The following HCK variants were observed in gnomAD, a reference collection of about 807,000 sequenced individuals.
The protein encoded by HCK is HCK proto-oncogene, Src family tyrosine kinase, also known as tyrosine-protein kinase HCK.
Under a neutral mutation model 70.4 loss-of-function variants are expected in HCK, and 40 were observed. That is an observed-to-expected ratio of 0.57 (90% CI 0.44 to 0.74). The LOEUF is 0.74. Among genes scored for constraint, HCK ranks in the 30% least tolerant of loss-of-function variants. HCK has a pLI of 0.00. For missense variants in HCK, 568 were observed against 697.2 expected, an observed-to-expected ratio of 0.81 and a Z score of 2.09; for synonymous variants, 245 against 263.2, an observed-to-expected ratio of 0.93 and a Z score of 0.67.
chr20:32,097,483 G>T (rs536410611), intron 11 of HCK, among the ~76,000 whole-genome samples: 18 of 152,234 alleles, frequency 1.2e-4, no homozygotes, highest in African/African-American at 4.3e-4. Flanking sequence ...GGAGACTGAG[G>T]CAGGAGAATG....
rs1307125284 is a variant in HCK at position 32,060,465 on chromosome 20, C to T, written c.62+7979C>T. 2.6e-5 allele frequency among the ~76,000 whole-genome samples: 4 copies of T among 152,068 alleles called. No individual in the cohort carries two copies. The South Asian group carries it at 8.3e-4, about 31-fold the overall frequency. ...CAAACTCCTGACATCAGGTGATCCG[C>T]CTGCTGACCTCAGGTGATCCGCCTG... On this transcript the variant is annotated intron_variant, in intron 1 of 12. Coordinates refer to ENST00000375852, the MANE Select transcript of HCK (RefSeq NM_002110.5).
In HCK at chr20:32,075,702, CCATT is replaced by C. The variant is rs554542410; in HGVS notation, c.428+985_428+988del. Among the ~76,000 whole-genome samples the C allele has an allele frequency of 1.6e-4, 22 of 139,806 alleles. No individual in the cohort carries two copies. The East Asian group carries it at 3.2e-3, about 21-fold the overall frequency. The allele number at this position is 139,806 out of a possible 152,430, so 91.7% of individuals were successfully genotyped here. ...TTCAGTCATCCATCCATCCATCCATCCATTCATCCATCCATCCATCCATCCATCC... is the reference window on the plus strand; with the variant it reads ...TTCAGTCATCCATCCATCCATCCATCCATCCATCCATCCATCCATCCATCC... On this transcript the variant is annotated intron_variant, in intron 5 of 12. Coordinates refer to ENST00000375852, the MANE Select transcript of HCK (RefSeq NM_002110.5).
chr20:32,073,149 C>A (rs1600719797), intron 2 of HCK, among the ~76,000 whole-genome samples, 170 bp from the exon 3 acceptor site: 1 of 152,200 alleles, frequency 6.6e-6, no homozygotes, highest in Non-Finnish European at 1.5e-5. Context: ...GCTGGCTCTG[C>A]CCCTAATGTG....
At chr20:32,101,227 T>A in intron 12 of HCK, 90 bp from the exon 13 acceptor site, 1 of 1,100,050 alleles carries the variant, frequency 9.1e-7, no homozygotes, top group East Asian at 2.6e-5. Context: ...AGGTGGGGAG[T>A]GATGCCTGCT....
intron 11 of HCK, among the ~76,000 whole-genome samples, chr20:32,096,623 T>C (rs1600748959): frequency 6.6e-6 from 1 of 151,600 alleles, no homozygotes; most frequent in East Asian, 1.9e-4. Flanking sequence ...AGCCTCAGCC[T>C]CCTGAGTACC....
intron 9 of HCK, among the ~76,000 whole-genome samples, chr20:32,087,237 A>T (rs1391998871): frequency 2.7e-5 from 4 of 146,084 alleles, no homozygotes; most frequent in Non-Finnish European, 6.0e-5. Flanking sequence ...CCCTGCCACA[A>T]CTCAGGATTT....
intron 1 of HCK, among the ~76,000 whole-genome samples, chr20:32,067,781 G>A (rs1474010602): frequency 6.6e-6 from 1 of 151,984 alleles, no homozygotes; most frequent in East Asian, 1.9e-4. Context: ...ACAGACGGCT[G>A]TTGAGCACAG....
At chr20:32,081,025 G>C (rs1034472801) in intron 6 of HCK, among the ~76,000 whole-genome samples, 1 of 151,980 alleles carries the variant, frequency 6.6e-6, no homozygotes, top group African/African-American at 2.4e-5. Context: ...GGAGTTCAAG[G>C]CTGCAGCGAG....
intron 1 of HCK, among the ~76,000 whole-genome samples, chr20:32,066,183 C>G (rs1212918103): frequency 1.3e-5 from 2 of 152,122 alleles, no homozygotes; most frequent in African/African-American, 4.8e-5. Context: ...ACCCCATCCC[C>G]TGTTCCCAAA....
At chr20:32,078,304 C>A (rs908596723) in intron 5 of HCK, among the ~76,000 whole-genome samples, 1 of 151,766 alleles carries the variant, frequency 6.6e-6, no homozygotes, top group Non-Finnish European at 1.5e-5. Context: ...CTCGGCCTCC[C>A]AAAGTGCTGG....
intron 12 of HCK, among the ~76,000 whole-genome samples, chr20:32,099,350 CTTTTTTTTTTT>C (rs71336559): frequency 1.2e-5 from 1 of 85,172 alleles, no homozygotes; most frequent in African/African-American, 6.4e-5. Flanking sequence ...ACTCCTATGA[CTTTTTTTTTTT>C]TTTTTTTTTT....
chr20:32,060,079 G>A (rs929235718), intron 1 of HCK, among the ~76,000 whole-genome samples: 2 of 152,056 alleles, frequency 1.3e-5, no homozygotes, highest in African/African-American at 2.4e-5. Flanking sequence ...GTGGTGAACT[G>A]GCCACCATGT....
chr20:32,098,090 C>G (rs1219274644), intron 11 of HCK, among the ~76,000 whole-genome samples: 1 of 151,820 alleles, frequency 6.6e-6, no homozygotes, highest in East Asian at 1.9e-4. Context: ...CTCTATCATC[C>G]AGGCTGGAGT....
chr20:32,066,479 T>A (rs1176545802), intron 1 of HCK, among the ~76,000 whole-genome samples: 1 of 151,854 alleles, frequency 6.6e-6, no homozygotes, highest in Non-Finnish European at 1.5e-5. Context: ...ACCTGGCTAA[T>A]TTTTTCTGTT....
intron 1 of HCK, among the ~76,000 whole-genome samples, chr20:32,062,214 A>T (rs1260416269): frequency 6.6e-6 from 1 of 152,136 alleles, no homozygotes; most frequent in East Asian, 1.9e-4. Flanking sequence ...TGCTGGGATT[A>T]CAGGTGTGAG....
In HCK at chr20:32,052,457, C is replaced by A; in HGVS notation, c.33C>A (p.Gly11=). The A allele has an allele frequency of 7.9e-7, 1 of 1,268,396 alleles. No homozygotes were observed. The highest frequency in any genetic ancestry group is 3.1e-5 in the South Asian group (1 of 32,118). 78.6% of individuals were successfully genotyped at this position (1,268,396 alleles called of 1,614,324 possible). A position where few individuals can be genotyped will look rare whatever the true frequency, so the allele number is the denominator to read the frequency against. Reference sequence around the variant, plus strand: ...GGCGCTCAAGCTGCGAGGATCCGGGCTGCCCGCGAGACGAGGAGCGGGCGC... The same window carrying A: ...GGCGCTCAAGCTGCGAGGATCCGGGATGCCCGCGAGACGAGGAGCGGGCGC... The change falls in exon 1 of 13, where the codon GGC becomes GGA. Residue 11 remains glycine (G), a synonymous_variant. Transcript: ENST00000375852.
chr20:32,099,193 A>C, intron 12 of HCK, 58 bp downstream of exon 12: 3 of 1,561,688 alleles, frequency 1.9e-6, no homozygotes, highest in Non-Finnish European at 2.6e-6. Flanking sequence ...CAATGGGCTC[A>C]TCTCAACAAC....
chr20:32,101,629 C>T lies in HCK; in HGVS notation c.*110C>T, dbSNP rs2046037533. 3.6e-6 allele frequency: 3 copies of T among 839,456 alleles called. No homozygotes were observed. Among genetic ancestry groups the T allele is most frequent in the Non-Finnish European group, 3.7e-6 (2 of 538,262 alleles). 52.0% of individuals were successfully genotyped at this position (839,456 alleles called of 1,614,324 possible). ...CTTCCTACTCCCAGACACCCACCCT[C>T]GCTTCAGCCACAGTTTCCTCATCTG... is the stretch of plus-strand genomic sequence containing the variant. On this transcript the variant is annotated 3_prime_UTR_variant, in exon 13 of 13. Coordinates refer to ENST00000375852, the MANE Select transcript of HCK (RefSeq NM_002110.5).
intron 1 of HCK, 109 bp from the exon 2 acceptor site, chr20:32,071,553 G>A: frequency 1.4e-6 from 2 of 1,401,378 alleles, no homozygotes; most frequent in South Asian, 1.3e-5. Context: ...GACCGGGAAG[G>A]CCAGTGGGAG....
Sources: allele counts gnomAD v4.1 joint callset (sites outside exome capture counted in the v4.1 genomes callset), GRCh38; gene constraint gnomAD v4.1.1; transcripts MANE v1.5; gene names NCBI Gene and HGNC (gene_info 2026-07-23, HGNC 2026-07-21).